The following DCHS2 variants were observed in gnomAD, a reference collection of about 807,000 sequenced individuals.
The protein encoded by DCHS2 is dachsous cadherin-related 2, also known as protocadherin-23.
DCHS2 carries 142 observed loss-of-function variants against 182.4 expected under a neutral mutation model. That is an observed-to-expected ratio of 0.78 (90% CI 0.68 to 0.89). The LOEUF is 0.89. Among genes scored for constraint, DCHS2 ranks in the 40% least tolerant of loss-of-function variants. The pLI, the probability that DCHS2 is intolerant of heterozygous loss-of-function variation, is 0.00. For synonymous variants in DCHS2, 1,740 were observed against 1,663.3 expected (o/e 1.05, Z -1.12); for missense variants, 4,319 against 4,198.6 (o/e 1.03, Z -0.79).
chr4:154,420,681 C>A (rs908604552), intron 1 of DCHS2, among the ~76,000 whole-genome samples: 6 of 152,158 alleles, frequency 3.9e-5, no homozygotes, highest in Admixed American at 2.6e-4. Flanking sequence ...GGATAGTGCC[C>A]ACTCACATTG....
chr4:154,484,178 C>T (rs890666113), intron 1 of DCHS2, among the ~76,000 whole-genome samples: 1 of 152,128 alleles, frequency 6.6e-6, no homozygotes, highest in Non-Finnish European at 1.5e-5. Context: ...CCAATTATTC[C>T]TTTGTGATAC....
intron 13 of DCHS2, among the ~76,000 whole-genome samples, chr4:154,280,136 A>G (rs1734063016): frequency 6.6e-6 from 1 of 152,082 alleles, no homozygotes; most frequent in Non-Finnish European, 1.5e-5. Flanking sequence ...GATGAAATGG[A>G]TACATTTCTG....
intron 1 of DCHS2, among the ~76,000 whole-genome samples, chr4:154,398,171 C>T (rs188339468): frequency 1.3e-5 from 2 of 152,298 alleles, no homozygotes; most frequent in African/African-American, 4.8e-5. Flanking sequence ...AGGCCTTACA[C>T]TATGATCAAT....
chr4:154,350,111 A>C (rs1384795972), intron 3 of DCHS2, among the ~76,000 whole-genome samples: 1 of 152,244 alleles, frequency 6.6e-6, no homozygotes, highest in Non-Finnish European at 1.5e-5. Context: ...GGAAACGCGT[A>C]GGCTCTACCT....
chr4:154,287,386 A>T (rs1020534049), intron 13 of DCHS2, among the ~76,000 whole-genome samples: 13 of 152,224 alleles, frequency 8.5e-5, no homozygotes, highest in African/African-American at 2.4e-4. Flanking sequence ...ACCAAAAATA[A>T]TAACTACAAC....
intron 2 of DCHS2, among the ~76,000 whole-genome samples, chr4:154,367,712 C>G (rs557755460): frequency 9.8e-4 from 149 of 152,284 alleles, no homozygotes; most frequent in African/African-American, 3.5e-3. Flanking sequence ...TATCCTCCCC[C>G]TCTTCATCTT....
chr4:154,408,914 C>T (rs960987325), intron 1 of DCHS2, among the ~76,000 whole-genome samples: 17 of 152,144 alleles, frequency 1.1e-4, no homozygotes, highest in African/African-American at 3.9e-4. Flanking sequence ...AGAGGCTAAG[C>T]CCAGATGAGT....
chr4:154,401,803 G>A (rs1251181272), intron 1 of DCHS2, among the ~76,000 whole-genome samples: 1 of 152,198 alleles, frequency 6.6e-6, no homozygotes. Flanking sequence ...GACCAGCCTG[G>A]TCAACGTGGT....
At chr4:154,250,491 TCTTTA>T (rs1389172238) in intron 16 of DCHS2, among the ~76,000 whole-genome samples, 3 of 152,156 alleles carry the variant, frequency 2.0e-5, no homozygotes, top group Middle Eastern at 3.2e-3. Flanking sequence ...CAAAAGGGTA[TCTTTA>T]CTTTTGTTCT....
At position 154,463,663 on chromosome 4, in the gene DCHS2, AC is replaced by A. The variant is rs1397469605; in HGVS notation, c.2052+25640del. ...AGTACAGGCAGAGGTCATTAGGTAA[AC>A]TAAAAATCCTGTAAGCTATTCTCTC... is the stretch of plus-strand genomic sequence containing the variant. On this transcript the variant is annotated intron_variant, in intron 1 of 19. Coordinates refer to ENST00000357232, the MANE Select transcript of DCHS2 (RefSeq NM_001358235.2). Among the ~76,000 whole-genome samples, 6 of 151,844 alleles carry A rather than the reference AC, an allele frequency of 4.0e-5. No homozygotes were observed. The East Asian group carries it at 7.8e-4, about 20-fold the overall frequency.
intron 1 of DCHS2, among the ~76,000 whole-genome samples, chr4:154,426,614 A>G (rs982733898): frequency 6.6e-6 from 1 of 152,124 alleles, no homozygotes; most frequent in African/African-American, 2.4e-5. Context: ...CTGGGTGACT[A>G]TAGTCAACAA....
chr4:154,486,365 T>G, intron 1 of DCHS2: 1 of 1,290,078 alleles, frequency 7.8e-7, no homozygotes, highest in South Asian at 1.3e-5. Context: ...ACATTGGGGA[T>G]GTGGAGTAAC....
intron 13 of DCHS2, among the ~76,000 whole-genome samples, chr4:154,289,318 AATAAAT>A (rs1734548889): frequency 6.6e-6 from 1 of 152,072 alleles, no homozygotes; most frequent in Non-Finnish European, 1.5e-5. Flanking sequence ...ATTATACACC[AATAAAT>A]TAGAAAACAT....
intron 13 of DCHS2, among the ~76,000 whole-genome samples, chr4:154,276,815 G>T (rs966767186): frequency 2.6e-5 from 4 of 152,160 alleles, no homozygotes; most frequent in Non-Finnish European, 5.9e-5. Context: ...GGGACACCAG[G>T]CAAGCTCAAA....
intron 1 of DCHS2, among the ~76,000 whole-genome samples, chr4:154,449,016 T>C (rs1734419756): frequency 6.6e-6 from 1 of 152,144 alleles, no homozygotes; most frequent in African/African-American, 2.4e-5. Flanking sequence ...TGTTTACATG[T>C]ACTCATCACT....
At position 154,236,942 on chromosome 4, in the gene DCHS2, T is replaced by C. The variant is rs2111089052; in HGVS notation, c.7710A>G (p.Thr2570=). The C allele has an allele frequency of 6.2e-7, 1 of 1,614,058 alleles. No individual in the cohort carries two copies. The highest frequency in any genetic ancestry group is 8.5e-7 in the Non-Finnish European group (1 of 1,179,942). The stretch of plus-strand genomic sequence containing the variant: ...TCCAGTCATGGTCGATGTTTGAAAA[T>C]GTAACAAGCGTGCTTCCAACCAGAG... ...EDALVGSTLV[T]FSNIDHDWTR... Residue 2570 remains threonine, a synonymous_variant, in exon 20 of 20, where the codon ACA becomes ACG. Transcript: ENST00000357232.
chr4:154,242,555 C>G, intron 17 of DCHS2, 87 bp downstream of exon 17: 1 of 1,465,728 alleles, frequency 6.8e-7, no homozygotes. Context: ...GATTAGCACT[C>G]ATGTTAATAC....
chr4:154,379,565 GT>G (rs1167653560), intron 1 of DCHS2, among the ~76,000 whole-genome samples: 2 of 152,164 alleles, frequency 1.3e-5, no homozygotes, highest in African/African-American at 2.4e-5. Context: ...TATAGATTTA[GT>G]TTTGGAAAGT....
intron 7 of DCHS2, among the ~76,000 whole-genome samples, chr4:154,326,313 G>T (rs997289532): frequency 1.3e-5 from 2 of 152,138 alleles, no homozygotes; most frequent in Non-Finnish European, 2.9e-5. Context: ...TTACTGGTTT[G>T]CAGGAGTTCT....
Sources: allele counts gnomAD v4.1 joint callset (sites outside exome capture counted in the v4.1 genomes callset), GRCh38; gene constraint gnomAD v4.1.1; transcripts MANE v1.5; gene names NCBI Gene and HGNC (gene_info 2026-07-23, HGNC 2026-07-21).